The following TNFSF8 variants were observed in gnomAD, a reference collection of about 807,000 sequenced individuals.
TNFSF8 encodes TNF superfamily member 8.
A neutral mutation model predicts 22.0 loss-of-function variants in TNFSF8; 4 were observed. The ratio of observed to expected loss-of-function variants is 0.18; its 90% confidence interval spans 0.09 to 0.42. The LOEUF (loss-of-function observed/expected upper bound fraction) is 0.42. Ranked by LOEUF, TNFSF8 falls within the 10% of genes least tolerant of loss-of-function variation. TNFSF8 has a pLI of 1.00. For missense variants in TNFSF8, 233 were observed against 281.8 expected (o/e 0.83, Z 1.24); for synonymous variants, 106 against 112.5 (o/e 0.94, Z 0.37).
chr9:114,929,076 C>A (rs1236417001), intron 1 of TNFSF8, among the ~76,000 whole-genome samples: 2 of 152,140 alleles, frequency 1.3e-5, no homozygotes, highest in Admixed American at 6.5e-5. Flanking sequence ...ACAACTTCAT[C>A]AAAAAATTCA....
At chr9:114,899,342 ATTATTTTT>A (rs200434801), downstream of TNFSF8, among the ~76,000 whole-genome samples, 1,433 of 142,654 alleles carry the variant, frequency 0.01, 33 homozygotes, top group East Asian at 0.07. Flanking sequence ...ACAGTAAGTT[ATTATTTTT>A]TTTTTTTTTT....
At chr9:114,921,562 T>C (rs1827987960) in intron 1 of TNFSF8, among the ~76,000 whole-genome samples, 1 of 152,212 alleles carries the variant, frequency 6.6e-6, no homozygotes, top group Non-Finnish European at 1.5e-5. Context: ...AAGGAGATGA[T>C]GGCTGTTGAA....
intron 2 of TNFSF8, among the ~76,000 whole-genome samples, chr9:114,909,096 G>A (rs1415890391): frequency 6.6e-6 from 1 of 152,184 alleles, no homozygotes; most frequent in African/African-American, 2.4e-5. Flanking sequence ...GAGTTGACCA[G>A]TCAGTGCTGC....
exon 5 of TNFSF8, chr9:114,893,351 A>G (rs567023744): frequency 6.6e-6 from 1 of 152,384 alleles, no homozygotes; most frequent in East Asian, 1.9e-4. Context: ...GCTGTGTTCC[A>G]ATAAAACTTT....
chr9:114,898,200 C>T (rs1827676995), downstream of TNFSF8, among the ~76,000 whole-genome samples: 2 of 151,952 alleles, frequency 1.3e-5, no homozygotes, highest in Non-Finnish European at 2.9e-5. Flanking sequence ...GACAAGGTTT[C>T]ACTATGTTGG....
In TNFSF8 at chr9:114,901,783, A is replaced by T; in HGVS notation, c.*2148T>A. On this transcript the variant is annotated 3_prime_UTR_variant, in exon 4 of 4. Coordinates refer to ENST00000223795, the MANE Select transcript of TNFSF8 (RefSeq NM_001244.4). ...CAGAAAGAGTTAAAGAGAAATGTAG[A>T]CTTTACTAAATATTTCATAGAGGAG... 1 of 982,912 alleles carries T rather than the reference A, an allele frequency of 1.0e-6. No homozygotes were observed. 60.9% of individuals were successfully genotyped at this position (982,912 alleles called of 1,614,324 possible). A position where few individuals can be genotyped will look rare whatever the true frequency, so the allele number is the denominator to read the frequency against.
Position 114,918,109 on chromosome 9 carries a change from G to C in TNFSF8, c.225C>G (p.Val75=). 2 of 1,608,354 alleles carry C rather than the reference G, an allele frequency of 1.2e-6. No homozygotes were observed. The highest frequency in any genetic ancestry group is 2.2e-5 in the South Asian group (2 of 90,056). The change falls in exon 2 of 4, where the codon GTC becomes GTG. Residue 75 remains valine, a synonymous_variant. Coordinates refer to ENST00000223795, the MANE Select transcript of TNFSF8 (RefSeq NM_001244.4). ...TDSIPNSPDN[V]PLKGGNCSED... is the part of the protein sequence containing the mutation. Reference sequence around the variant, plus strand: ...CCAAGATCTTACCTCCTTTGAGGGGGACGTTGTCAGGTGAGTTGGGAATGG... The same window carrying C: ...CCAAGATCTTACCTCCTTTGAGGGGCACGTTGTCAGGTGAGTTGGGAATGG...
chr9:114,925,079 G>C (rs1037517549), intron 1 of TNFSF8, among the ~76,000 whole-genome samples: 1 of 152,188 alleles, frequency 6.6e-6, no homozygotes, highest in African/African-American at 2.4e-5. Context: ...CTAAAGAAGA[G>C]GTGTAGAGTC....
At chr9:114,916,803 A>G (rs539629978) in intron 2 of TNFSF8, among the ~76,000 whole-genome samples, 18 of 152,306 alleles carry the variant, frequency 1.2e-4, no homozygotes, top group African/African-American at 4.1e-4. Context: ...ACTAATTGCA[A>G]CAGAGACATA....
chr9:114,905,797 AT>A (rs1248825243), intron 3 of TNFSF8, 30 bp downstream of exon 3: 2 of 1,566,410 alleles, frequency 1.3e-6, no homozygotes, highest in Non-Finnish European at 8.8e-7. Flanking sequence ...CGGTTTTCAT[AT>A]GTTTAGGTTT....
downstream of TNFSF8, among the ~76,000 whole-genome samples, chr9:114,896,387 T>C (rs753528909): frequency 7.9e-5 from 12 of 152,176 alleles, no homozygotes; most frequent in Non-Finnish European, 1.8e-4. Flanking sequence ...AATCCAGAGA[T>C]TCTAATTTAA....
chr9:114,899,131 G>C (rs1279239210), downstream of TNFSF8, among the ~76,000 whole-genome samples: 1 of 152,142 alleles, frequency 6.6e-6, no homozygotes, highest in Admixed American at 6.5e-5. Context: ...CTCCACAGCT[G>C]TCCTTGCTAG....
At chr9:114,909,551 G>T (rs942901479) in intron 2 of TNFSF8, among the ~76,000 whole-genome samples, 1 of 152,196 alleles carries the variant, frequency 6.6e-6, no homozygotes, top group Non-Finnish European at 1.5e-5. Flanking sequence ...AATTACTTCT[G>T]CACCAACATA....
At chr9:114,900,046 T>A (rs1319191246), downstream of TNFSF8, among the ~76,000 whole-genome samples, 1 of 152,218 alleles carries the variant, frequency 6.6e-6, no homozygotes, top group African/African-American at 2.4e-5. Context: ...ATGGACAAAC[T>A]ATGGTATATT....
chr9:114,916,047 G>A (rs1233104781), intron 2 of TNFSF8, among the ~76,000 whole-genome samples: 1 of 152,180 alleles, frequency 6.6e-6, no homozygotes, highest in Non-Finnish European at 1.5e-5. Flanking sequence ...TCCCCAGAAT[G>A]AAAATTCAGA....
intron 1 of TNFSF8, 49 bp downstream of exon 1, chr9:114,930,060 C>G (rs2131353107): frequency 7.2e-7 from 1 of 1,396,582 alleles, no homozygotes; most frequent in East Asian, 2.7e-5. Context: ...GGCTCTTTCT[C>G]TCGGGAAAAC....
chr9:114,919,714 GCC>G (rs1321971655), intron 1 of TNFSF8, among the ~76,000 whole-genome samples: 1 of 152,088 alleles, frequency 6.6e-6, no homozygotes, highest in Non-Finnish European at 1.5e-5. Flanking sequence ...ATTAGCAGCC[GCC>G]CACAGCTTAT....
chr9:114,911,571 G>T (rs1827852329), intron 2 of TNFSF8, among the ~76,000 whole-genome samples: 1 of 152,182 alleles, frequency 6.6e-6, no homozygotes. Context: ...TGGACCATTT[G>T]TTAAACAAAG....
At chr9:114,911,919 T>G (rs1443975839) in intron 2 of TNFSF8, among the ~76,000 whole-genome samples, 2 of 152,056 alleles carry the variant, frequency 1.3e-5, no homozygotes, top group African/African-American at 2.4e-5. Context: ...AGTCTATAAT[T>G]TAAAAGGAAA....
Sources: gnomAD v4.1 joint callset for allele counts (sites outside exome capture counted in the v4.1 genomes callset) on GRCh38, gnomAD v4.1.1 for gene constraint, MANE v1.5 for transcripts, NCBI Gene and HGNC (gene_info 2026-07-23, HGNC 2026-07-21) for gene names.